The following PPP3CC variants were observed in gnomAD, a reference collection of about 807,000 sequenced individuals.
PPP3CC encodes the protein serine/threonine-protein phosphatase 2B catalytic subunit gamma isoform.
PPP3CC carries 35 observed loss-of-function variants against 60.3 expected under a neutral mutation model. The ratio of observed to expected loss-of-function variants is 0.58; its 90% confidence interval spans 0.44 to 0.77. The LOEUF (loss-of-function observed/expected upper bound fraction) is 0.77, where lower values mean the gene tolerates loss of function less well. Ranked by LOEUF, PPP3CC falls within the 30% of genes least tolerant of loss-of-function variation. The probability of loss-of-function intolerance (pLI) is 0.00; values close to 1 mark genes in which losing one functional copy is unlikely to be tolerated. For synonymous variants in PPP3CC, 206 were observed against 224.3 expected (o/e 0.92, Z 0.73); for missense variants, 570 against 628.9 (o/e 0.91, Z 1.00).
intron 6 of PPP3CC, among the ~76,000 whole-genome samples, chr8:22,520,912 A>T (rs1037372308): frequency 2.0e-5 from 3 of 152,184 alleles, no homozygotes; most frequent in Non-Finnish European, 4.4e-5. Context: ...CATTTGAAGG[A>T]GCAGGGGCCT....
intron 13 of PPP3CC, 132 bp from the exon 14 acceptor site, chr8:22,540,483 C>T: frequency 5.8e-6 from 5 of 856,138 alleles, no homozygotes; most frequent in Non-Finnish European, 8.9e-6. Flanking sequence ...ATGACTTTCA[C>T]TAGACGTGTG....
chr8:22,456,971 C>G (rs551365035), intron 1 of PPP3CC, among the ~76,000 whole-genome samples: 1 of 147,418 alleles, frequency 6.8e-6, no homozygotes, highest in Non-Finnish European at 1.5e-5. Flanking sequence ...TGATTCTCAG[C>G]TGTGATTTAT....
chr8:22,457,461 C>G (rs1235506278), intron 1 of PPP3CC, among the ~76,000 whole-genome samples: 1 of 151,956 alleles, frequency 6.6e-6, no homozygotes, highest in Non-Finnish European at 1.5e-5. Context: ...CACCACCATG[C>G]CCGACTAATT....
In PPP3CC at chr8:22,523,044, T is replaced by G. The variant is rs1586861534; in HGVS notation, c.943+295T>G. ...AAATTGCTTCAGGCTCATGCCAGAA[T>G]AGTTAGCATAAATTATTGGTTTTGG... On this transcript the variant is annotated intron_variant, in intron 8 of 13. Transcript: ENST00000240139. 2.0e-5 allele frequency among the ~76,000 whole-genome samples: 3 copies of G among 152,332 alleles called. No individual in the cohort carries two copies. In the South Asian group the frequency reaches 6.2e-4, roughly 32 times the overall value.
At chr8:22,511,858 AC>A (rs1563761628) in intron 5 of PPP3CC, among the ~76,000 whole-genome samples, 1 of 152,172 alleles carries the variant, frequency 6.6e-6, no homozygotes, top group Non-Finnish European at 1.5e-5. Flanking sequence ...TAACTGTGTA[AC>A]CTTAACCAAG....
intron 1 of PPP3CC, among the ~76,000 whole-genome samples, chr8:22,466,075 A>G (rs541313756): frequency 1.3e-5 from 2 of 152,166 alleles, no homozygotes; most frequent in East Asian, 3.9e-4. Context: ...CCCAAGAGTG[A>G]GAACATGTGG....
chr8:22,493,340 G>C lies in PPP3CC; in HGVS notation c.373-4661G>C, dbSNP rs1838463530. Among the ~76,000 whole-genome samples, 6 of 148,964 alleles carry C rather than the reference G, an allele frequency of 4.0e-5. No individual in the cohort carries two copies. The South Asian group carries it at 1.1e-3, about 26-fold the overall frequency. On this transcript the variant is annotated intron_variant, in intron 3 of 13. Coordinates refer to ENST00000240139, the MANE Select transcript of PPP3CC (RefSeq NM_005605.5). ...CTGAAGAATCCTGGGAATCAAGTTTGAAACAAAGGTTAATAAAGTTCTTTG... is the reference window on the plus strand; with the variant it reads ...CTGAAGAATCCTGGGAATCAAGTTTCAAACAAAGGTTAATAAAGTTCTTTG...
rs1346363958 is a variant in PPP3CC at position 22,540,811 on chromosome 8, C to A, written c.*9C>A. On this transcript the variant is annotated 3_prime_UTR_variant, in exon 14 of 14. Transcript: ENST00000240139. ...AGAAAGCCCATTCATGACTTAGAGT[C>A]CTGCCGTGGCTCAGGTGGATCTAAA... 1.9e-6 allele frequency: 3 copies of A among 1,593,132 alleles called. No homozygotes were observed. In the Admixed American group the frequency reaches 5.3e-5, roughly 28 times the overall value.
chr8:22,495,440 C>T (rs188967390), intron 3 of PPP3CC, among the ~76,000 whole-genome samples: 4 of 152,022 alleles, frequency 2.6e-5, no homozygotes, highest in East Asian at 1.9e-4. Context: ...TATTTATTTT[C>T]GTATTGTTGG....
At chr8:22,531,214 T>G (rs1278905362) in intron 10 of PPP3CC, 1 of 1,291,870 alleles carries the variant, frequency 7.7e-7, no homozygotes, top group Admixed American at 2.0e-5. Context: ...ACTTTGATTT[T>G]TTTTTCTCTT....
In PPP3CC at chr8:22,527,454, C is replaced by A; in HGVS notation, c.1006C>A (p.Pro336Thr). ...CAGGCAGTTTAACTGTTCTCCACAC[C>A]CCTACTGGCTTCCAAACTTTATGGA... ...NIRQFNCSPH[P>T]YWLPNFMDVF... Residue 336 changes from proline (P) to threonine (T), a missense_variant, in exon 9 of 14, where the codon CCC becomes ACC. Transcript: ENST00000240139. The A allele has an allele frequency of 6.2e-7, 1 of 1,613,426 alleles. No individual in the cohort carries two copies. Among genetic ancestry groups the A allele is most frequent in the South Asian group, 1.1e-5 (1 of 91,060 alleles).
At chr8:22,463,325 C>T (rs944303683) in intron 1 of PPP3CC, among the ~76,000 whole-genome samples, 1 of 152,160 alleles carries the variant, frequency 6.6e-6, no homozygotes, top group African/African-American at 2.4e-5. Flanking sequence ...GCAATGATGT[C>T]GGCAGTATGC....
intron 6 of PPP3CC, among the ~76,000 whole-genome samples, chr8:22,516,104 G>T (rs962679104): frequency 2.0e-5 from 3 of 151,844 alleles, no homozygotes; most frequent in African/African-American, 7.3e-5. Flanking sequence ...ATGCCCAGCT[G>T]CTTTTTTTAT....
chr8:22,475,385 C>A, intron 2 of PPP3CC, 115 bp from the exon 3 acceptor site: 3 of 1,223,938 alleles, frequency 2.5e-6, no homozygotes, highest in South Asian at 1.5e-5. Context: ...TTACAGCAGT[C>A]CTGTCAAAAG....
chr8:22,493,993 AT>A, intron 3 of PPP3CC, among the ~76,000 whole-genome samples: 1 of 152,160 alleles, frequency 6.6e-6, no homozygotes, highest in South Asian at 2.1e-4. Flanking sequence ...AGACATTATG[AT>A]GGCTACATCA....
At chr8:22,486,775 G>C (rs1406117422) in intron 3 of PPP3CC, among the ~76,000 whole-genome samples, 1 of 151,164 alleles carries the variant, frequency 6.6e-6, no homozygotes, top group Non-Finnish European at 1.5e-5. Flanking sequence ...TGTTGCCCAG[G>C]CTGGAGTACA....
chr8:22,540,498 A>C, intron 13 of PPP3CC, 117 bp from the exon 14 acceptor site: 1 of 1,028,474 alleles, frequency 9.7e-7, no homozygotes, highest in Non-Finnish European at 1.4e-6. Context: ...CGTGTGCTCC[A>C]TAGCCACCTT....
chr8:22,465,988 G>GC (rs1442552722), intron 1 of PPP3CC, among the ~76,000 whole-genome samples: 1 of 151,538 alleles, frequency 6.6e-6, no homozygotes, highest in African/African-American at 2.4e-5. Context: ...CCCTCCCCCA[G>GC]CCCCCCATCC....
intron 3 of PPP3CC, chr8:22,492,679 TG>T (rs757679748): frequency 8.0e-5 from 63 of 789,226 alleles, no homozygotes; most frequent in East Asian, 4.7e-4. Flanking sequence ...TGCGCATTGG[TG>T]GGAAAGAAAT....
Sources: allele counts gnomAD v4.1 joint callset (sites outside exome capture counted in the v4.1 genomes callset), GRCh38; gene constraint gnomAD v4.1.1; transcripts MANE v1.5; gene names NCBI Gene and HGNC (gene_info 2026-07-23, HGNC 2026-07-21).